The following CNBD2 variants were observed in gnomAD, a reference collection of about 807,000 sequenced individuals.
CNBD2 encodes cyclic nucleotide binding domain containing 2, also known as cyclic nucleotide-binding domain-containing protein 2.
In CNBD2, 64 loss-of-function variants were observed where a neutral mutation model predicts 63.7. The observed-to-expected ratio is 1.00, with a 90% confidence interval of 0.82 to 1.24. The LOEUF is 1.24. Among genes scored for constraint, CNBD2 ranks in the 50% most tolerant of loss-of-function variants. The pLI is 0.00. For synonymous variants in CNBD2, 229 were observed against 255.4 expected (o/e 0.90, Z 0.99); for missense variants, 691 against 713.5 (o/e 0.97, Z 0.36).
upstream of CNBD2, among the ~76,000 whole-genome samples, chr20:35,967,064 A>G (rs57094561): frequency 0.053 from 8,080 of 152,210 alleles, 306 homozygotes; most frequent in South Asian, 0.21. Context: ...TATGCCTGCC[A>G]GGAAACTCTG....
intron 11 of CNBD2, among the ~76,000 whole-genome samples, chr20:36,026,634 C>T (rs1258284532): frequency 6.6e-6 from 1 of 152,182 alleles, no homozygotes. Flanking sequence ...CTGCTAGATG[C>T]TGCACATACC....
chr20:35,994,589 GAAA>G (rs1217876629), intron 7 of CNBD2, among the ~76,000 whole-genome samples: 1 of 132,444 alleles, frequency 7.6e-6, no homozygotes, highest in Non-Finnish European at 1.6e-5. Context: ...AAAAAAAAAA[GAAA>G]AAAAAAAAGC....
intron 3 of CNBD2, among the ~76,000 whole-genome samples, chr20:35,977,209 T>C (rs1464457295): frequency 1.3e-5 from 2 of 152,116 alleles, no homozygotes; most frequent in African/African-American, 4.8e-5. Flanking sequence ...AAAGGGAAAA[T>C]TCTTTGTTAT....
chr20:35,960,182 CAT>C (rs1428110038), downstream of CNBD2, among the ~76,000 whole-genome samples: 5 of 152,296 alleles, frequency 3.3e-5, no homozygotes, highest in East Asian at 9.6e-4. Context: ...TTTCTATAGA[CAT>C]GTGTTTGATT....
chr20:35,998,044 T>TC (rs1555811723), intron 8 of CNBD2, among the ~76,000 whole-genome samples: 28 of 145,980 alleles, frequency 1.9e-4, no homozygotes, highest in African/African-American at 6.6e-4. Flanking sequence ...CTTTTTCTTT[T>TC]TTTTTTTTTT....
At chr20:35,959,989 T>C (rs2147168647), downstream of CNBD2, among the ~76,000 whole-genome samples, 1 of 152,358 alleles carries the variant, frequency 6.6e-6, no homozygotes, top group African/African-American at 2.4e-5. Context: ...CATATATTGC[T>C]TAAAGCTTGT....
At chr20:35,976,164 A>G (rs776630184) in intron 3 of CNBD2, among the ~76,000 whole-genome samples, 162 bp downstream of exon 3, 4 of 152,212 alleles carry the variant, frequency 2.6e-5, no homozygotes, top group Admixed American at 2.6e-4. Flanking sequence ...TCAATAAAAT[A>G]GCTGATCTCA....
downstream of CNBD2, among the ~76,000 whole-genome samples, chr20:35,956,422 A>G (rs1448744569): frequency 6.6e-6 from 1 of 152,196 alleles, no homozygotes; most frequent in Non-Finnish European, 1.5e-5. Context: ...ATCAGCTGAC[A>G]CTGAGTAGAG....
chr20:35,956,305 C>G (rs779485950), downstream of CNBD2, among the ~76,000 whole-genome samples: 1 of 152,116 alleles, frequency 6.6e-6, no homozygotes, highest in African/African-American at 2.4e-5. Flanking sequence ...TTTTTAGTTG[C>G]TGACATGTAA....
intron 8 of CNBD2, among the ~76,000 whole-genome samples, chr20:35,999,679 C>CT (rs35106057): frequency 0.19 from 27,115 of 142,064 alleles, 2,665 homozygotes; most frequent in South Asian, 0.37. Flanking sequence ...CAAGTATCTT[C>CT]TTTTTTTTTT....
chr20:36,000,669 G>C (rs1273687160), intron 8 of CNBD2, among the ~76,000 whole-genome samples: 4 of 150,092 alleles, frequency 2.7e-5, no homozygotes, highest in African/African-American at 9.8e-5. Context: ...AAGTATTCTT[G>C]TGCCTCAGCC....
intron 2 of CNBD2, among the ~76,000 whole-genome samples, chr20:35,963,432 GGAGTTCGAGACCAGCCTGGC>G (rs2056322843): frequency 6.6e-6 from 1 of 151,788 alleles, no homozygotes; most frequent in African/African-American, 2.4e-5. Flanking sequence ...CTTGAGGTCA[GGAGTTCGAGACCAGCCTGGC>G]CAACATGGTG....
At chr20:35,982,729 T>A (rs1306987967) in intron 4 of CNBD2, among the ~76,000 whole-genome samples, 2 of 140,838 alleles carry the variant, frequency 1.4e-5, no homozygotes, top group Non-Finnish European at 1.5e-5. Flanking sequence ...TGTGCCCAAT[T>A]TTTTTTTTTT....
At chr20:36,008,251 A>C in intron 8 of CNBD2, 46 bp from the exon 9 acceptor site, 1 of 1,492,326 alleles carries the variant, frequency 6.7e-7, no homozygotes, top group African/African-American at 1.4e-5. Context: ...TAACCATCAT[A>C]TATGCAAAGA....
intron 3 of CNBD2, among the ~76,000 whole-genome samples, chr20:35,976,404 T>C (rs1218026480): frequency 1.3e-5 from 2 of 152,152 alleles, no homozygotes; most frequent in Non-Finnish European, 2.9e-5. Context: ...CTCTGAGAGA[T>C]GCTGGGCACA....
intron 7 of CNBD2, among the ~76,000 whole-genome samples, chr20:35,988,250 TC>T (rs1358740732): frequency 2.0e-5 from 3 of 152,158 alleles, no homozygotes; most frequent in African/African-American, 7.2e-5. Flanking sequence ...CACTGCAACC[TC>T]TGCCTCCTGG....
intron 8 of CNBD2, among the ~76,000 whole-genome samples, chr20:36,000,916 C>T (rs977662366): frequency 1.3e-5 from 2 of 151,544 alleles, no homozygotes; most frequent in Non-Finnish European, 2.9e-5. Context: ...GTTTGTGTCC[C>T]TGGGTATTTG....
upstream of CNBD2, chr20:35,954,616 A>G (rs1027208923): frequency 1.5e-6 from 2 of 1,353,308 alleles, no homozygotes; most frequent in Non-Finnish European, 1.9e-6. Flanking sequence ...CGGGAGGGCG[A>G]GCTGCGCGTG....
intron 4 of CNBD2, among the ~76,000 whole-genome samples, chr20:35,981,998 G>A (rs953318091): frequency 6.6e-6 from 1 of 152,212 alleles, no homozygotes; most frequent in African/African-American, 2.4e-5. Flanking sequence ...GTTCCTGAAA[G>A]GATCTGAATA....
Sources: gnomAD v4.1 joint callset for allele counts (sites outside exome capture counted in the v4.1 genomes callset) on GRCh38, gnomAD v4.1.1 for gene constraint, MANE v1.5 for transcripts, NCBI Gene and HGNC (gene_info 2026-07-23, HGNC 2026-07-21) for gene names.